METTL24: variants seen among roughly 807,000 people sequenced by gnomAD.
METTL24 encodes the protein methyltransferase like 24.
METTL24 carries 29 observed loss-of-function variants against 32.7 expected under a neutral mutation model. The observed-to-expected ratio is 0.89, with a 90% CI of 0.66 to 1.21. The LOEUF (loss-of-function observed/expected upper bound fraction) is 1.21, where lower values mean the gene tolerates loss of function less well. Ranked by LOEUF, METTL24 falls within the 50% of genes most tolerant of loss-of-function variation. The pLI, the probability that METTL24 is intolerant of heterozygous loss-of-function variation, is 0.00. For missense variants in METTL24, 439 were observed against 468.1 expected (o/e 0.94, Z 0.57); for synonymous variants, 163 against 179.5 (o/e 0.91, Z 0.73).
intron 1 of METTL24, among the ~76,000 whole-genome samples, chr6:110,354,364 C>G (rs1175323668): frequency 1.3e-5 from 2 of 152,182 alleles, no homozygotes; most frequent in Admixed American, 1.3e-4. Flanking sequence ...CCTCTAACAC[C>G]TGGAATGGAA....
rs576099946 is a variant in METTL24, at chr6:110,280,507, G to A, written c.786+18415C>T. Reference sequence around the variant, plus strand: ...AAACAATGTTGCAATATATGTAGATGAAATGTTTAATACTATGTAAAAATG... The same window carrying A: ...AAACAATGTTGCAATATATGTAGATAAAATGTTTAATACTATGTAAAAATG... On this transcript the variant is annotated intron_variant, in intron 4 of 4. Coordinates refer to ENST00000338882, the MANE Select transcript of METTL24 (RefSeq NM_001123364.3). 2.0e-5 allele frequency among the ~76,000 whole-genome samples: 3 copies of A among 152,072 alleles called. No individual in the cohort carries two copies. The East Asian group carries it at 5.8e-4, about 29-fold the overall frequency.
chr6:110,267,055 A>T (rs1770870253), intron 4 of METTL24, among the ~76,000 whole-genome samples: 1 of 152,188 alleles, frequency 6.6e-6, no homozygotes, highest in Non-Finnish European at 1.5e-5. Context: ...TTTAAAAAAA[A>T]ATACAAAATT....
At chr6:110,357,371 G>C (rs1345288370) in intron 1 of METTL24, 1 of 152,182 alleles carries the variant, frequency 6.6e-6, no homozygotes, top group African/African-American at 2.4e-5. Context: ...TTCTCATTAA[G>C]TGGGGCTGGG....
At chr6:110,295,774 G>A (rs961375094) in intron 4 of METTL24, among the ~76,000 whole-genome samples, 4 of 122,558 alleles carry the variant, frequency 3.3e-5, no homozygotes, top group African/African-American at 1.2e-4. Context: ...TATTTTCCCC[G>A]GGAAAGAAAA....
At chr6:110,325,638 T>G (rs1693203049) in intron 1 of METTL24, among the ~76,000 whole-genome samples, 1 of 152,208 alleles carries the variant, frequency 6.6e-6, no homozygotes, top group Non-Finnish European at 1.5e-5. Flanking sequence ...TTGTAGGACT[T>G]TCTCCTTAGT....
At chr6:110,301,802 G>T (rs1028528191) in intron 3 of METTL24, among the ~76,000 whole-genome samples, 2 of 152,150 alleles carry the variant, frequency 1.3e-5, no homozygotes, top group African/African-American at 4.8e-5. Context: ...TTCAAGAGTT[G>T]CAGTTGAAAC....
chr6:110,259,263 C>T (rs1377878821), intron 4 of METTL24, among the ~76,000 whole-genome samples: 2 of 152,194 alleles, frequency 1.3e-5, no homozygotes, highest in Non-Finnish European at 2.9e-5. Context: ...AGGTCACTCC[C>T]ACCCTAATAC....
intron 4 of METTL24, among the ~76,000 whole-genome samples, chr6:110,250,492 C>G (rs1028877766): frequency 2.0e-5 from 3 of 151,928 alleles, no homozygotes; most frequent in African/African-American, 7.2e-5. Context: ...AGGTCACATT[C>G]TGAGGTATGA....
chr6:110,330,495 G>A (rs915476576), intron 1 of METTL24, among the ~76,000 whole-genome samples: 3 of 152,198 alleles, frequency 2.0e-5, no homozygotes, highest in Non-Finnish European at 4.4e-5. Flanking sequence ...AGCTTGGGAA[G>A]GCAGCCCCAT....
At chr6:110,350,893 G>A (rs1403709340) in intron 1 of METTL24, among the ~76,000 whole-genome samples, 1 of 152,138 alleles carries the variant, frequency 6.6e-6, no homozygotes, top group Non-Finnish European at 1.5e-5. Context: ...CAGATCACTA[G>A]GTCAGGAGTT....
chr6:110,317,767 G>A (rs1204636501), intron 2 of METTL24, among the ~76,000 whole-genome samples: 2 of 152,060 alleles, frequency 1.3e-5, no homozygotes, highest in Non-Finnish European at 2.9e-5. Context: ...CTTTCCCACA[G>A]TGTTTCTCAA....
At chr6:110,344,574 T>G (rs1772431106) in intron 1 of METTL24, among the ~76,000 whole-genome samples, 2 of 152,164 alleles carry the variant, frequency 1.3e-5, no homozygotes, top group South Asian at 2.1e-4. Context: ...CAAATTTTAG[T>G]AATACAGATC....
At chr6:110,320,148 TG>T (rs566866422) in intron 2 of METTL24, among the ~76,000 whole-genome samples, 1 of 152,172 alleles carries the variant, frequency 6.6e-6, no homozygotes, top group Non-Finnish European at 1.5e-5. Flanking sequence ...TGTACAAGCT[TG>T]AGCACAGATT....
intron 4 of METTL24, among the ~76,000 whole-genome samples, chr6:110,270,159 GAGATAATCATTAA>G (rs551012185): frequency 1.4e-3 from 212 of 152,252 alleles, no homozygotes; most frequent in African/African-American, 5.0e-3. Context: ...ACAGAGAGTA[GAGATAATCATTAA>G]AGTTTTATGG....
intron 4 of METTL24, among the ~76,000 whole-genome samples, chr6:110,273,273 G>A (rs947230099): frequency 6.6e-6 from 1 of 152,126 alleles, no homozygotes; most frequent in African/African-American, 2.4e-5. Context: ...TCAGTTGGCT[G>A]TAAGTATTTG....
At chr6:110,278,190 G>T (rs1256516535) in intron 4 of METTL24, among the ~76,000 whole-genome samples, 1 of 152,020 alleles carries the variant, frequency 6.6e-6, no homozygotes, top group South Asian at 2.1e-4. Flanking sequence ...TTCATTTCTG[G>T]TTCCCGTGTG....
intron 4 of METTL24, among the ~76,000 whole-genome samples, chr6:110,250,819 T>G (rs1778263851): frequency 6.6e-6 from 1 of 152,200 alleles, no homozygotes; most frequent in African/African-American, 2.4e-5. Context: ...CCCCTCTACT[T>G]CATGCCTTGG....
chr6:110,272,370 G>A (rs981673417), intron 4 of METTL24, among the ~76,000 whole-genome samples: 1 of 152,238 alleles, frequency 6.6e-6, no homozygotes, highest in East Asian at 1.9e-4. Context: ...CCACTAGTTG[G>A]TCGATGGGCA....
rs755172817 is a variant in METTL24, at chr6:110,298,852, G to A, written c.786+70C>T. The A allele has an allele frequency of 8.5e-4, 1,142 of 1,342,348 alleles. 5 individuals carry two copies. The highest frequency in any genetic ancestry group is 1.1e-3 in the Non-Finnish European group (1,035 of 953,496). The allele number at this position is 1,342,348 out of a possible 1,614,324, so 83.2% of individuals were successfully genotyped here. A position where few individuals can be genotyped will look rare whatever the true frequency, so the allele number is the denominator to read the frequency against. Reference sequence around the variant, plus strand: ...ATCCAATGTCAATGTTGCTATTCTTGGTTTGCATTTTAAAAAGCTGATGGG... The same window carrying A: ...ATCCAATGTCAATGTTGCTATTCTTAGTTTGCATTTTAAAAAGCTGATGGG... On this transcript the variant is annotated intron_variant, in intron 4 of 4. Coordinates refer to ENST00000338882, the MANE Select transcript of METTL24 (RefSeq NM_001123364.3).
Sources: gnomAD v4.1 joint callset for allele counts (sites outside exome capture counted in the v4.1 genomes callset) on GRCh38, gnomAD v4.1.1 for gene constraint, MANE v1.5 for transcripts, NCBI Gene and HGNC (gene_info 2026-07-23, HGNC 2026-07-21) for gene names.